Variants in SAMD4B observed in about 807,000 individuals in gnomAD.
SAMD4B encodes the protein protein Smaug homolog 2.
SAMD4B carries 5 observed loss-of-function variants against 74.5 expected under a neutral mutation model. The observed-to-expected ratio is 0.07, with a 90% CI of 0.04 to 0.14. The LOEUF is 0.14. SAMD4B is among the 10% of genes least tolerant of loss of function. The pLI is 1.00. For missense variants in SAMD4B, 608 were observed against 921.8 expected (o/e 0.66, Z 4.41); for synonymous variants, 373 against 374.9 (o/e 1.00, Z 0.06).
downstream of SAMD4B, chr19:39,389,386 G>A (rs2078322792): frequency 1.2e-6 from 2 of 1,613,868 alleles, no homozygotes; most frequent in African/African-American, 2.7e-5. This position sits in a 1 kb window ranked among gnomAD's most constrained non-coding sequence, Gnocchi z 5.3. Flanking sequence ...GCTGGGATCT[G>A]GGGTGGGAAA....
intron 1 of SAMD4B, among the ~76,000 whole-genome samples, chr19:39,346,049 G>A (rs2145183701): frequency 6.6e-6 from 1 of 152,238 alleles, no homozygotes; most frequent in South Asian, 2.1e-4. Context: ...TAAGTCTGGA[G>A]CCTCCACAGA....
At position 39,375,335 on chromosome 19, in the gene SAMD4B, T is replaced by C. The variant is rs1600575056; in HGVS notation, c.668-315T>C. 6.6e-6 allele frequency among the ~76,000 whole-genome samples: 1 copy of C among 152,160 alleles called. No homozygotes were observed. Among genetic ancestry groups the C allele is most frequent in the Non-Finnish European group, 1.5e-5 (1 of 67,978 alleles). ...ACCTTTATGGCTGTTGTGAGGGGCG[T>C]GGACTGTAGGAGGCAAGAGTGAAGG... On this transcript the variant is annotated intron_variant, in intron 4 of 13. Transcript: ENST00000610417. The surrounding 1 kb of genome is among the most constrained non-coding windows in gnomAD (Gnocchi z 4.1).
At chr19:39,374,408 A>T (rs916097141) in intron 4 of SAMD4B, among the ~76,000 whole-genome samples, 3 of 152,174 alleles carry the variant, frequency 2.0e-5, no homozygotes, top group African/African-American at 7.2e-5. Flanking sequence ...TGCAGAAAAA[A>T]AATGGGAGGT....
chr19:39,380,151 T>G, intron 10 of SAMD4B, 67 bp downstream of exon 10: 1 of 1,215,754 alleles, frequency 8.2e-7, no homozygotes, highest in East Asian at 2.4e-5. Flanking sequence ...AGATCGTGCT[T>G]AGAGGGGTGA....
intron 3 of SAMD4B, among the ~76,000 whole-genome samples, chr19:39,364,743 G>A (rs1046986341): frequency 6.6e-6 from 1 of 152,192 alleles, no homozygotes; most frequent in Non-Finnish European, 1.5e-5. Context: ...TGTGACTTCA[G>A]TGAGGCCTTT....
downstream of SAMD4B, chr19:39,390,378 G>GA (rs2078353086): frequency 1.5e-5 from 16 of 1,038,518 alleles, no homozygotes; most frequent in Non-Finnish European, 1.9e-5. Flanking sequence ...CAAAAGGTAG[G>GA]AGGGGTGACA....
downstream of SAMD4B, chr19:39,386,783 G>A (rs1334439147): frequency 3.7e-6 from 6 of 1,613,320 alleles, no homozygotes; most frequent in African/African-American, 1.3e-5. This position sits in a 1 kb window ranked among gnomAD's most constrained non-coding sequence, Gnocchi z 6.1. Flanking sequence ...TTGGCCCGGC[G>A]CTTACTAAGG....
intron 3 of SAMD4B, chr19:39,369,370 C>G: frequency 2.3e-6 from 1 of 425,602 alleles, no homozygotes; most frequent in Non-Finnish European, 4.3e-6. Context: ...TCAAAACTCC[C>G]GTGCTGATCA....
intron 1 of SAMD4B, among the ~76,000 whole-genome samples, chr19:39,343,157 G>C (rs987355455): frequency 6.8e-4 from 103 of 151,774 alleles, no homozygotes; most frequent in African/African-American, 2.4e-3. Flanking sequence ...GGCTCCCTCC[G>C]GACCCCTGTC....
chr19:39,352,982 C>T (rs1192901856), intron 1 of SAMD4B, among the ~76,000 whole-genome samples: 1 of 152,162 alleles, frequency 6.6e-6, no homozygotes, highest in Non-Finnish European at 1.5e-5. Flanking sequence ...CTCCCACTCC[C>T]GAGGGATGTT....
At chr19:39,343,371 C>T (rs1453151530) in intron 1 of SAMD4B, among the ~76,000 whole-genome samples, 1 of 150,914 alleles carries the variant, frequency 6.6e-6, no homozygotes, top group South Asian at 2.1e-4. Flanking sequence ...TGATCATCTT[C>T]CCTGAAGATC....
At chr19:39,376,882 G>A (rs2077629151) in intron 7 of SAMD4B, 91 bp downstream of exon 7, 20 of 1,071,606 alleles carry the variant, frequency 1.9e-5, no homozygotes, top group South Asian at 6.9e-5. Flanking sequence ...CAGACTCCTC[G>A]GATGTGGCCT....
intron 10 of SAMD4B, 123 bp downstream of exon 10, chr19:39,380,207 C>A: frequency 1.4e-6 from 1 of 737,468 alleles, no homozygotes; most frequent in Admixed American, 2.9e-5. Context: ...CACTGGGCGA[C>A]TTTCCCAGAA....
At chr19:39,346,276 A>G (rs891729675) in intron 1 of SAMD4B, among the ~76,000 whole-genome samples, 10 of 152,318 alleles carry the variant, frequency 6.6e-5, no homozygotes, top group Admixed American at 5.2e-4. Flanking sequence ...AAAAGGTGGT[A>G]TTTGGGCTGG....
At chr19:39,367,586 G>A (rs2077040572) in intron 3 of SAMD4B, among the ~76,000 whole-genome samples, 1 of 139,416 alleles carries the variant, frequency 7.2e-6, no homozygotes, top group South Asian at 2.2e-4. Flanking sequence ...TCGGCTCACT[G>A]CAACCTCCAC....
Position 39,370,029 on chromosome 19 carries a change from C to T in SAMD4B, c.571C>T (p.Gln191Ter). The change falls in exon 4 of 14, where the codon CAG becomes TAG. Residue 191 changes from glutamine (Q) to a stop codon, truncating the protein, a stop_gained. Transcript: ENST00000610417. LOFTEE classifies it high-confidence loss of function. ...LGPGEAGPGW[Q>*]DKPPRENGHV... ...CCCTGGGGAGGCAGGGCCAGGCTGG[C>T]AGGACAAGCCACCCCGGGAAAATGG... The T allele has an allele frequency of 6.2e-7, 1 of 1,611,938 alleles. No homozygotes were observed. The highest frequency in any genetic ancestry group is 8.5e-7 in the Non-Finnish European group (1 of 1,179,064).
chr19:39,358,301 T>TA lies in SAMD4B; in HGVS notation c.196+1213dup, dbSNP rs2076449143. ...AAACAAACAAAAAAAGCAGTGTTCTTACGTGGCTCTCAAGTCAGACTGTCT... is the reference window on the plus strand; with the variant it reads ...AAACAAACAAAAAAAGCAGTGTTCTTAACGTGGCTCTCAAGTCAGACTGTCT... On this transcript the variant is annotated intron_variant, in intron 3 of 13. Coordinates refer to ENST00000610417, the MANE Select transcript of SAMD4B (RefSeq NM_001384574.2). Among the ~76,000 whole-genome samples the TA allele has an allele frequency of 2.0e-5, 3 of 152,218 alleles. No individual in the cohort carries two copies. In the South Asian group the frequency reaches 6.2e-4, roughly 32 times the overall value.
chr19:39,389,471 C>G (rs1473796790), downstream of SAMD4B: 1 of 1,613,950 alleles, frequency 6.2e-7, no homozygotes. This position sits in a 1 kb window ranked among gnomAD's most constrained non-coding sequence, Gnocchi z 5.3. Context: ...CCATTTGCTA[C>G]CCACTCACCT....
intron 3 of SAMD4B, among the ~76,000 whole-genome samples, chr19:39,365,554 CAA>C (rs148122306): frequency 1.4e-5 from 2 of 141,714 alleles, no homozygotes; most frequent in Non-Finnish European, 3.1e-5. Flanking sequence ...GCCTCCATGT[CAA>C]AAAAAAAAAA....
Sources: allele counts gnomAD v4.1 joint callset (sites outside exome capture counted in the v4.1 genomes callset), GRCh38; gene constraint gnomAD v4.1.1; non-coding constraint Gnocchi (gnomAD v3.1); transcripts MANE v1.5; gene names NCBI Gene and HGNC (gene_info 2026-07-23, HGNC 2026-07-21).